Variants in ZPBP observed in about 807,000 individuals in gnomAD.
ZPBP encodes zona pellucida-binding protein 1.
A neutral mutation model predicts 44.8 loss-of-function variants in ZPBP; 26 were observed. The observed-to-expected ratio is 0.58, with a 90% CI of 0.43 to 0.81. ZPBP has a LOEUF of 0.81. Among genes scored for constraint, ZPBP ranks in the 30% least tolerant of loss-of-function variants. The probability of loss-of-function intolerance (pLI) is 0.00; values close to 1 mark genes in which losing one functional copy is unlikely to be tolerated. For synonymous variants in ZPBP, 174 were observed against 153.2 expected (o/e 1.14, Z -1.00); for missense variants, 409 against 434.0 (o/e 0.94, Z 0.51).
At chr7:50,092,807 C>T in intron 1 of ZPBP, 1 of 418,326 alleles carries the variant, frequency 2.4e-6, no homozygotes, top group Non-Finnish European at 4.1e-6. Flanking sequence ...AGTTTATCAA[C>T]AAAGCAATTT....
intron 1 of ZPBP, among the ~76,000 whole-genome samples, chr7:49,927,725 A>G (rs759640887): frequency 2.6e-5 from 4 of 152,144 alleles, no homozygotes; most frequent in Non-Finnish European, 4.4e-5. Flanking sequence ...CCACCATTCT[A>G]TTACCCCAGA....
At chr7:49,874,548 ATGTGTGTG>A (rs3062201) in intron 2 of ZPBP, among the ~76,000 whole-genome samples, 5 of 147,644 alleles carry the variant, frequency 3.4e-5, no homozygotes, top group Non-Finnish European at 6.1e-5. Context: ...ATGACTATAT[ATGTGTGTG>A]TGTGTGTGTG....
chr7:49,959,482 A>G (rs1239180990), intron 7 of ZPBP, among the ~76,000 whole-genome samples: 1 of 152,144 alleles, frequency 6.6e-6, no homozygotes, highest in African/African-American at 2.4e-5. Context: ...ATTAAATCAA[A>G]TAACCATTAA....
At chr7:49,866,308 G>T (rs888340893) in intron 2 of ZPBP, among the ~76,000 whole-genome samples, 3 of 152,176 alleles carry the variant, frequency 2.0e-5, no homozygotes, top group South Asian at 4.1e-4. Flanking sequence ...GCCTAACACT[G>T]GTTGCCACTT....
At chr7:50,042,869 A>G (rs1800160908) in intron 4 of ZPBP, among the ~76,000 whole-genome samples, 1 of 152,182 alleles carries the variant, frequency 6.6e-6, no homozygotes, top group African/African-American at 2.4e-5. Context: ...AAGACACAGA[A>G]TGGCAAATTG....
In ZPBP at chr7:50,030,500, T is replaced by TAA. The variant is rs1554376210; in HGVS notation, c.706+591_706+592insTT. ...ACTCTGATAGCAGAGAAATAATAAT[T>TAA]TAAAAAAAAACCCTAAAAAAGGAGA... On this transcript the variant is annotated intron_variant, in intron 5 of 7. Coordinates refer to ENST00000046087, the MANE Select transcript of ZPBP (RefSeq NM_007009.3). Among the ~76,000 whole-genome samples the TAA allele has an allele frequency of 9.3e-5, 10 of 107,626 alleles. No homozygotes were observed. In the East Asian group the frequency reaches 1.2e-3, roughly 13 times the overall value. 70.6% of individuals were successfully genotyped at this position (107,626 alleles called of 152,430 possible).
the ZPBP span, among the ~76,000 whole-genome samples, chr7:49,844,130 C>T: frequency 6.6e-6 from 1 of 152,150 alleles, no homozygotes; most frequent in Non-Finnish European, 1.5e-5. Flanking sequence ...GATGTTTCAC[C>T]TAAGGTGTGT....
At chr7:50,037,876 A>G (rs1182426733) in intron 4 of ZPBP, among the ~76,000 whole-genome samples, 1 of 152,176 alleles carries the variant, frequency 6.6e-6, no homozygotes, top group Non-Finnish European at 1.5e-5. Flanking sequence ...ACTATCTCCC[A>G]GGAAAGGAAG....
intron 7 of ZPBP, among the ~76,000 whole-genome samples, chr7:49,981,457 AATAAT>A (rs1178681427): frequency 5.8e-5 from 1 of 17,342 alleles, no homozygotes; most frequent in African/African-American, 4.7e-4. Flanking sequence ...ATGTACATAT[AATAAT>A]ATATATAATT....
At chr7:50,033,690 A>T (rs376952124) in intron 4 of ZPBP, among the ~76,000 whole-genome samples, 1 of 144,532 alleles carries the variant, frequency 6.9e-6, no homozygotes, top group Non-Finnish European at 1.6e-5. Flanking sequence ...TTATTTATTT[A>T]TTTATTTATT....
At chr7:49,896,446 T>A (rs1196659284) in intron 2 of ZPBP, among the ~76,000 whole-genome samples, 1 of 151,506 alleles carries the variant, frequency 6.6e-6, no homozygotes, top group East Asian at 1.9e-4. Context: ...GAGAAAAAAA[T>A]TCCTAAATCA....
At chr7:49,898,132 T>G (rs368970786) in intron 2 of ZPBP, among the ~76,000 whole-genome samples, 1 of 152,014 alleles carries the variant, frequency 6.6e-6, no homozygotes, top group Non-Finnish European at 1.5e-5. Context: ...TGTGTGTGTA[T>G]GTATGTGTGT....
At chr7:49,905,852 C>A (rs1453679214) in intron 1 of ZPBP, among the ~76,000 whole-genome samples, 8 of 152,234 alleles carry the variant, frequency 5.3e-5, no homozygotes, top group Admixed American at 5.2e-4. Context: ...CTAAAACCCA[C>A]CAAAACCAAG....
intron 5 of ZPBP, among the ~76,000 whole-genome samples, chr7:50,025,807 C>T (rs1240178607): frequency 6.6e-6 from 1 of 151,486 alleles, no homozygotes; most frequent in East Asian, 1.9e-4. Context: ...TAAAAATAGT[C>T]AATGTAAAAA....
chr7:49,897,855 T>C (rs1792467655), intron 2 of ZPBP, among the ~76,000 whole-genome samples: 2 of 152,224 alleles, frequency 1.3e-5, no homozygotes, highest in Non-Finnish European at 2.9e-5. Flanking sequence ...CTTTGAGTTT[T>C]ACTGCCAGGA....
At chr7:49,904,565 A>G (rs1792976159) in intron 1 of ZPBP, among the ~76,000 whole-genome samples, 1 of 152,198 alleles carries the variant, frequency 6.6e-6, no homozygotes, top group Admixed American at 6.5e-5. Context: ...AAAAAATTTC[A>G]GTAATTAAAA....
intron 7 of ZPBP, among the ~76,000 whole-genome samples, chr7:49,952,530 A>G (rs542078770): frequency 6.6e-6 from 1 of 152,174 alleles, no homozygotes; most frequent in South Asian, 2.1e-4. Flanking sequence ...ATGAGTTTTA[A>G]TAAATAGAAA....
intron 7 of ZPBP, among the ~76,000 whole-genome samples, chr7:49,958,641 A>T (rs188622606): frequency 2.0e-5 from 3 of 152,230 alleles, no homozygotes; most frequent in African/African-American, 7.2e-5. Flanking sequence ...TAAGCCAATA[A>T]ATTTCTTTTC....
intron 3 of ZPBP, among the ~76,000 whole-genome samples, chr7:50,070,261 C>A (rs1171291840): frequency 2.0e-5 from 3 of 152,208 alleles, no homozygotes; most frequent in Non-Finnish European, 4.4e-5. Context: ...ACTTCTGCCG[C>A]CCCCAGCCAC....
Sources: allele counts gnomAD v4.1 joint callset (sites outside exome capture counted in the v4.1 genomes callset), GRCh38; gene constraint gnomAD v4.1.1; transcripts MANE v1.5; gene names NCBI Gene and HGNC (gene_info 2026-07-23, HGNC 2026-07-21).